CCNJ: variants seen among roughly 807,000 people sequenced by gnomAD.
The protein encoded by CCNJ is cyclin-J.
Under a neutral mutation model 41.4 loss-of-function variants are expected in CCNJ, and 12 were observed. That is an observed-to-expected ratio of 0.29 (90% confidence interval 0.19 to 0.47). The LOEUF is 0.47. Ranked by LOEUF, CCNJ falls within the 20% of genes least tolerant of loss-of-function variation. The pLI, the probability that CCNJ is intolerant of heterozygous loss-of-function variation, is 1.00. For synonymous variants in CCNJ, 161 were observed against 173.4 expected (o/e 0.93, Z 0.56); for missense variants, 340 against 464.6 (o/e 0.73, Z 2.47).
At chr10:96,050,871 C>T (rs536128660) in intron 3 of CCNJ, among the ~76,000 whole-genome samples, 3 of 152,124 alleles carry the variant, frequency 2.0e-5, no homozygotes, top group African/African-American at 4.8e-5. Flanking sequence ...CGTGTACAGA[C>T]GTTTTGGTTG....
In CCNJ at chr10:96,058,806, A is replaced by G. The variant is rs2080760444; in HGVS notation, c.*565A>G. ...AAAAAATTTTTTTAGATGATTCTAT[A>G]TAACTTCGTCTCACAAATAGTGTAG... On this transcript the variant is annotated 3_prime_UTR_variant, in exon 6 of 6. Coordinates refer to ENST00000465148, the MANE Select transcript of CCNJ (RefSeq NM_001134375.2). The G allele has an allele frequency of 1.9e-5, 5 of 264,838 alleles. No individual in the cohort carries two copies. The highest frequency in any genetic ancestry group is 2.8e-5 in the Non-Finnish European group (4 of 142,706). The allele number at this position is 264,838 out of a possible 1,614,324, so 16.4% of individuals were successfully genotyped here.
intron 3 of CCNJ, among the ~76,000 whole-genome samples, chr10:96,056,046 A>G (rs1194466390): frequency 3.3e-5 from 5 of 152,240 alleles, no homozygotes; most frequent in African/African-American, 1.2e-4. Flanking sequence ...GCAGTGGCTC[A>G]CGCCTGTAAT....
Position 96,059,849 on chromosome 10 carries a change from G to A in CCNJ, c.*1608G>A, listed in dbSNP as rs1033056118. ...TGATGGACTGATCCAGATGGCTCCC[G>A]GGGATGAATGTGGGTGGGTAGCTTC... is the stretch of plus-strand genomic sequence containing the variant. On this transcript the variant is annotated 3_prime_UTR_variant, in exon 6 of 6. Transcript: ENST00000465148. 7.9e-5 allele frequency: 12 copies of A among 152,622 alleles called. No homozygotes were observed. Among genetic ancestry groups the A allele is most frequent in the African/African-American group, 2.7e-4 (11 of 41,444 alleles). The allele number at this position is 152,622 out of a possible 1,614,324, so 9.5% of individuals were successfully genotyped here. A position where few individuals can be genotyped will look rare whatever the true frequency, so the allele number is the denominator to read the frequency against.
chr10:96,050,553 C>A, intron 3 of CCNJ, 87 bp downstream of exon 3: 2 of 958,226 alleles, frequency 2.1e-6, no homozygotes, highest in Non-Finnish European at 3.2e-6. Flanking sequence ...GAAATATCAT[C>A]AAATCCCATT....
chr10:96,060,418 G>A lies in CCNJ; in HGVS notation c.*2177G>A, dbSNP rs2080791260. ...ATATTTTAAAAAGCTAAAGAACACT[G>A]GATTAATAATCTTTTGGGAGGGTAG... On this transcript the variant is annotated 3_prime_UTR_variant, in exon 6 of 6. Transcript: ENST00000465148. 1 of 152,502 alleles carries A rather than the reference G, an allele frequency of 6.6e-6. No individual in the cohort carries two copies. The highest frequency in any genetic ancestry group is 1.5e-5 in the Non-Finnish European group (1 of 68,008). The allele number at this position is 152,502 out of a possible 1,614,324, so 9.4% of individuals were successfully genotyped here.
chr10:96,057,958 A>G lies in CCNJ; in HGVS notation c.869A>G (p.Tyr290Cys), dbSNP rs556874008. 163 of 1,614,192 alleles carry G rather than the reference A, an allele frequency of 1.0e-4. No homozygotes were observed. In the East Asian group the frequency reaches 3.5e-3, roughly 35 times the overall value. ...CCAGTTCACTTTCAGCAACCTCAGT[A>G]TCTCCATCAGACACATCAGACCTCA... is the stretch of plus-strand genomic sequence containing the variant. ...SRPVHFQQPQ[Y>C]LHQTHQTSLQ... is the part of the protein sequence containing the mutation. The change falls in exon 6 of 6, where the codon TAT (tyrosine) becomes TGT (cysteine). Residue 290 changes from tyrosine (Y) to cysteine (C), a missense_variant. Transcript: ENST00000465148.
At chr10:96,050,980 A>C (rs955995230) in intron 3 of CCNJ, among the ~76,000 whole-genome samples, 1 of 152,232 alleles carries the variant, frequency 6.6e-6, no homozygotes, top group African/African-American at 2.4e-5. Flanking sequence ...ACAGTTTCCC[A>C]TAACAAAATT....
intron 5 of CCNJ, 71 bp from the exon 6 acceptor site, chr10:96,057,759 G>A: frequency 7.0e-7 from 1 of 1,419,160 alleles, no homozygotes; most frequent in Non-Finnish European, 9.7e-7. Context: ...AGTTGGGGAT[G>A]GGGCATGATT....
At position 96,050,345 on chromosome 10, in the gene CCNJ, C is replaced by T; in HGVS notation, c.159C>T (p.Arg53=). The change falls in exon 3 of 6, where the codon CGC becomes CGT. Residue 53 remains arginine (R), a synonymous_variant. Transcript: ENST00000465148. ...FADLIAIVSN[R]FTLCPSARHL... ...ACTTGATTGCCATTGTGAGCAATCGCTTCACACTCTGCCCTTCTGCCCGCC... is the reference window on the plus strand; with the variant it reads ...ACTTGATTGCCATTGTGAGCAATCGTTTCACACTCTGCCCTTCTGCCCGCC... The T allele has an allele frequency of 1.9e-6, 3 of 1,613,892 alleles. No homozygotes were observed. The highest frequency in any genetic ancestry group is 2.5e-6 in the Non-Finnish European group (3 of 1,179,806).
At chr10:96,049,458 A>G (rs1246331185) in intron 2 of CCNJ, among the ~76,000 whole-genome samples, 1 of 123,502 alleles carries the variant, frequency 8.1e-6, no homozygotes. Context: ...TTAAAGTCCC[A>G]TTTCTCTTTT....
chr10:96,056,471 A>C (rs1036594515), intron 3 of CCNJ, among the ~76,000 whole-genome samples: 2 of 152,128 alleles, frequency 1.3e-5, no homozygotes, highest in African/African-American at 4.8e-5. Flanking sequence ...ACACAGATCA[A>C]AATGTTTATG....
rs751187573 is a variant in CCNJ, at chr10:96,057,812, T to C, written c.741-18T>C. The C allele has an allele frequency of 9.4e-6, 15 of 1,603,118 alleles. No homozygotes were observed. In the African/African-American group the frequency reaches 2.0e-4, roughly 22 times the overall value. The stretch of plus-strand genomic sequence containing the variant: ...TCAAGCAGTATTTTTAATAGTTTCC[T>C]TTCTCTCCACGTTTCAGCGCTCATG... On this transcript the variant is annotated intron_variant, in intron 5 of 5. Coordinates refer to ENST00000465148, the MANE Select transcript of CCNJ (RefSeq NM_001134375.2).
Position 96,060,104 on chromosome 10 carries a change from C to G in CCNJ, c.*1863C>G, listed in dbSNP as rs1210511562. The G allele has an allele frequency of 1.3e-5, 2 of 152,526 alleles. No individual in the cohort carries two copies. The highest frequency in any genetic ancestry group is 6.5e-5 in the Admixed American group (1 of 15,268). The allele number at this position is 152,526 out of a possible 1,614,324, so 9.4% of individuals were successfully genotyped here. ...GCTAATTGGATTTTGGTAGTTCTTA[C>G]CTCAAGAAAACTTGAATTATTTGGG... On this transcript the variant is annotated 3_prime_UTR_variant, in exon 6 of 6. Transcript: ENST00000465148.
At chr10:96,055,591 T>C (rs1041232214) in intron 3 of CCNJ, among the ~76,000 whole-genome samples, 4 of 152,208 alleles carry the variant, frequency 2.6e-5, no homozygotes, top group South Asian at 2.1e-4. Flanking sequence ...GAAAGTAAAG[T>C]GTAAGATGGT....
intron 2 of CCNJ, among the ~76,000 whole-genome samples, chr10:96,046,063 G>C (rs2080354443): frequency 6.6e-6 from 1 of 152,104 alleles, no homozygotes; most frequent in South Asian, 2.1e-4. Context: ...AATTGAGTTT[G>C]GACATGGGTT....
At chr10:96,057,802 A>C (rs1307719824) in intron 5 of CCNJ, 28 bp from the exon 6 acceptor site, 1 of 1,593,950 alleles carries the variant, frequency 6.3e-7, no homozygotes, top group Admixed American at 1.7e-5. Context: ...CAGTATTTTT[A>C]ATAGTTTCCT....
At position 96,058,391 on chromosome 10, in the gene CCNJ, A is replaced by C. The variant is rs2080751297; in HGVS notation, c.*150A>C. 3.2e-6 allele frequency: 2 copies of C among 620,660 alleles called. No individual in the cohort carries two copies. Among genetic ancestry groups the C allele is most frequent in the Non-Finnish European group, 2.8e-6 (1 of 355,940 alleles). 38.4% of individuals were successfully genotyped at this position (620,660 alleles called of 1,614,324 possible). On this transcript the variant is annotated 3_prime_UTR_variant, in exon 6 of 6. Coordinates refer to ENST00000465148, the MANE Select transcript of CCNJ (RefSeq NM_001134375.2). ...ACCAGGAAGACTGAATATCCTTTTT[A>C]ATGCACCATGAATCCTGGGAGACTA...
chr10:96,044,365 G>T lies in CCNJ; in HGVS notation c.-29G>T. 5 of 1,501,896 alleles carry T rather than the reference G, an allele frequency of 3.3e-6. No individual in the cohort carries two copies. Among genetic ancestry groups the T allele is most frequent in the Non-Finnish European group, 4.5e-6 (5 of 1,117,744 alleles). The allele number at this position is 1,501,896 out of a possible 1,614,324, so 93.0% of individuals were successfully genotyped here. A position where few individuals can be genotyped will look rare whatever the true frequency, so the allele number is the denominator to read the frequency against. Reference sequence around the variant, plus strand: ...GTGTGTCTTACAGACTCGAGTTGCCGCGTCGGGCTGGGCGCGCCGCCGGGT... The same window carrying T: ...GTGTGTCTTACAGACTCGAGTTGCCTCGTCGGGCTGGGCGCGCCGCCGGGT... On this transcript the variant is annotated 5_prime_UTR_variant, in exon 2 of 6. Coordinates refer to ENST00000465148, the MANE Select transcript of CCNJ (RefSeq NM_001134375.2).
chr10:96,045,400 G>A (rs181826001), intron 2 of CCNJ, among the ~76,000 whole-genome samples: 83 of 152,350 alleles, frequency 5.4e-4, no homozygotes, highest in Non-Finnish European at 1.0e-3. Flanking sequence ...TCTTGGGGTT[G>A]AGATCCTGGA....
Sources: gnomAD v4.1 joint callset for allele counts (sites outside exome capture counted in the v4.1 genomes callset) on GRCh38, gnomAD v4.1.1 for gene constraint, MANE v1.5 for transcripts, NCBI Gene and HGNC (gene_info 2026-07-23, HGNC 2026-07-21) for gene names.